The following ADGRB3 variants were observed in gnomAD, a reference collection of about 807,000 sequenced individuals.
The protein encoded by ADGRB3 is brain-specific angiogenesis inhibitor 3.
A neutral mutation model predicts 193.4 loss-of-function variants in ADGRB3; 37 were observed. The ratio of observed to expected loss-of-function variants is 0.19; its 90% CI spans 0.15 to 0.25. The LOEUF (loss-of-function observed/expected upper bound fraction) is 0.25. ADGRB3 is among the 10% of genes least tolerant of loss of function. The probability of loss-of-function intolerance (pLI) is 1.00; values close to 1 mark genes in which losing one functional copy is unlikely to be tolerated. For missense variants in ADGRB3, 1,637 were observed against 1,852.9 expected (o/e 0.88, Z 2.14); for synonymous variants, 690 against 644.2 (o/e 1.07, Z -1.08).
intron 17 of ADGRB3, among the ~76,000 whole-genome samples, chr6:69,163,714 G>A (rs1405058413): frequency 6.6e-6 from 1 of 152,058 alleles, no homozygotes; most frequent in Non-Finnish European, 1.5e-5. Context: ...ACCCTTTCAA[G>A]GTAGAGTCCC....
chr6:68,648,513 A>G (rs1768270343), intron 3 of ADGRB3, among the ~76,000 whole-genome samples: 1 of 149,792 alleles, frequency 6.7e-6, no homozygotes, highest in Non-Finnish European at 1.5e-5. Context: ...CATGAGAAAG[A>G]CATTGGAACG....
chr6:69,067,029 G>A (rs1477558569), intron 16 of ADGRB3, among the ~76,000 whole-genome samples: 2 of 152,052 alleles, frequency 1.3e-5, no homozygotes, highest in African/African-American at 4.8e-5. Flanking sequence ...ATGCATTTTA[G>A]TTATCTCATG....
At chr6:68,775,256 G>C (rs1766716386) in intron 3 of ADGRB3, among the ~76,000 whole-genome samples, 1 of 151,764 alleles carries the variant, frequency 6.6e-6, no homozygotes, top group Non-Finnish European at 1.5e-5. Context: ...TGGGAGTCAA[G>C]ATGAAAAAGG....
At chr6:68,890,478 A>G (rs984814995) in intron 3 of ADGRB3, among the ~76,000 whole-genome samples, 1 of 152,202 alleles carries the variant, frequency 6.6e-6, no homozygotes, top group Non-Finnish European at 1.5e-5. Context: ...ACTTATTTTG[A>G]TATCCAGATA....
At chr6:69,170,463 C>G (rs1418435220) in intron 17 of ADGRB3, among the ~76,000 whole-genome samples, 3 of 152,160 alleles carry the variant, frequency 2.0e-5, no homozygotes, top group Non-Finnish European at 2.9e-5. Flanking sequence ...ATAGGCCTAT[C>G]TGTCCCTTTT....
chr6:69,309,813 C>T (rs1405165952), intron 20 of ADGRB3, among the ~76,000 whole-genome samples: 4 of 151,620 alleles, frequency 2.6e-5, no homozygotes, highest in Non-Finnish European at 5.9e-5. Context: ...TGCCACGCTT[C>T]ACCTCTGAAG....
chr6:68,781,524 T>C (rs1766852141), intron 3 of ADGRB3, among the ~76,000 whole-genome samples: 1 of 152,138 alleles, frequency 6.6e-6, no homozygotes, highest in South Asian at 2.1e-4. Flanking sequence ...ACTTAAACTT[T>C]GTGGGCTCCT....
At chr6:69,157,319 G>A (rs2150343355) in intron 17 of ADGRB3, among the ~76,000 whole-genome samples, 1 of 152,268 alleles carries the variant, frequency 6.6e-6, no homozygotes, top group East Asian at 1.9e-4. Flanking sequence ...AGAACCTAGG[G>A]ACATAGGTGT....
intron 4 of ADGRB3, among the ~76,000 whole-genome samples, chr6:68,932,206 G>C (rs1236718629): frequency 6.6e-6 from 1 of 152,122 alleles, no homozygotes; most frequent in Non-Finnish European, 1.5e-5. Flanking sequence ...GAGATGGCAG[G>C]CATTGGTTTA....
intron 17 of ADGRB3, among the ~76,000 whole-genome samples, chr6:69,137,966 G>A (rs1221298699): frequency 6.6e-6 from 1 of 152,188 alleles, no homozygotes; most frequent in South Asian, 2.1e-4. Context: ...GACACCTTTA[G>A]TATGTCTTCA....
intron 20 of ADGRB3, among the ~76,000 whole-genome samples, chr6:69,323,298 C>G (rs1465059747): frequency 6.6e-6 from 1 of 151,868 alleles, no homozygotes; most frequent in South Asian, 2.1e-4. Context: ...CTTTGGATAG[C>G]AAGTGGAAGA....
chr6:69,263,187 G>A (rs960437260), intron 20 of ADGRB3, among the ~76,000 whole-genome samples: 1 of 151,988 alleles, frequency 6.6e-6, no homozygotes, highest in South Asian at 2.1e-4. Context: ...AAGACATGAA[G>A]GAACTCCGTC....
At chr6:69,252,943 T>C (rs1219479288) in intron 20 of ADGRB3, among the ~76,000 whole-genome samples, 4 of 152,108 alleles carry the variant, frequency 2.6e-5, no homozygotes, top group Non-Finnish European at 5.9e-5. Context: ...TGTAGATCTA[T>C]GTCTCGAACA....
At chr6:68,644,766 C>T (rs905637384) in intron 3 of ADGRB3, among the ~76,000 whole-genome samples, 1 of 152,092 alleles carries the variant, frequency 6.6e-6, no homozygotes, top group Non-Finnish European at 1.5e-5. Context: ...AAGAAAACTC[C>T]ATTACATGGT....
chr6:68,827,355 G>C (rs1338496687), intron 3 of ADGRB3, among the ~76,000 whole-genome samples: 1 of 152,064 alleles, frequency 6.6e-6, no homozygotes, highest in Non-Finnish European at 1.5e-5. Context: ...GAGATAATGG[G>C]AAGAAAGGAA....
rs532590193 is a variant in ADGRB3, at chr6:69,012,246, G to A, written c.1930-1792G>A. Among the ~76,000 whole-genome samples the A allele has an allele frequency of 2.6e-5, 4 of 151,892 alleles. No homozygotes were observed. The East Asian group carries it at 7.8e-4, about 30-fold the overall frequency. ...TTGTTTTGTTTTCAGAAATGGAGAT[G>A]CAGTTGCACAAATTGCTTCCTGTTC... On this transcript the variant is annotated intron_variant, in intron 11 of 31. Coordinates refer to ENST00000370598, the MANE Select transcript of ADGRB3 (RefSeq NM_001704.3).
intron 11 of ADGRB3, among the ~76,000 whole-genome samples, chr6:69,009,418 A>G (rs2150283211): frequency 6.6e-6 from 1 of 152,288 alleles, no homozygotes; most frequent in Non-Finnish European, 1.5e-5. Context: ...TAGCAGTCCA[A>G]GAAAGCAAAC....
intron 17 of ADGRB3, among the ~76,000 whole-genome samples, chr6:69,210,908 G>T (rs1765649974): frequency 6.6e-6 from 1 of 151,794 alleles, no homozygotes; most frequent in African/African-American, 2.4e-5. Context: ...GAGGTCAGGA[G>T]ATCGAGACAA....
intron 6 of ADGRB3, among the ~76,000 whole-genome samples, chr6:68,952,950 A>T (rs568533935): frequency 9.9e-4 from 151 of 152,296 alleles, no homozygotes; most frequent in African/African-American, 3.4e-3. Context: ...TATAACTACA[A>T]ATATATGAAT....
Sources: gnomAD v4.1 joint callset for allele counts (sites outside exome capture counted in the v4.1 genomes callset) on GRCh38, gnomAD v4.1.1 for gene constraint, MANE v1.5 for transcripts, NCBI Gene and HGNC (gene_info 2026-07-23, HGNC 2026-07-21) for gene names.